INSR: variants seen among roughly 807,000 people sequenced by gnomAD.
The protein encoded by INSR is insulin receptor.
Under a neutral mutation model 142.6 loss-of-function variants are expected in INSR, and 67 were observed. That is an observed-to-expected ratio of 0.47 (90% confidence interval 0.39 to 0.58). INSR has a LOEUF of 0.58. INSR is among the 20% of genes least tolerant of loss of function. The pLI is 0.00. For missense variants in INSR, 1,248 were observed against 1,833.2 expected, an observed-to-expected ratio of 0.68 and a Z score of 5.83; for synonymous variants, 756 against 743.1, an observed-to-expected ratio of 1.02 and a Z score of -0.28.
At chr19:7,274,187 T>C (rs1016576372) in intron 1 of INSR, among the ~76,000 whole-genome samples, 1 of 151,926 alleles carries the variant, frequency 6.6e-6, no homozygotes, top group African/African-American at 2.4e-5. Context: ...TCCTCAGGCA[T>C]CAGTTAGATT....
chr19:7,263,171 C>T (rs186025882), intron 2 of INSR, among the ~76,000 whole-genome samples: 1 of 151,656 alleles, frequency 6.6e-6, no homozygotes, highest in Admixed American at 6.6e-5. Context: ...CCCAGTCACT[C>T]GGAAGGCTGA....
In INSR at chr19:7,267,321, T is replaced by G. The variant is rs771734184; in HGVS notation, c.652+24A>C. The G allele has an allele frequency of 1.4e-5, 22 of 1,612,524 alleles. No homozygotes were observed. Among genetic ancestry groups the G allele is most frequent in the Middle Eastern group, 3.4e-4 (2 of 5,862 alleles). On this transcript the variant is annotated intron_variant, in intron 2 of 21. Coordinates refer to ENST00000302850, the MANE Select transcript of INSR (RefSeq NM_000208.4). This position sits in a 1 kb window ranked among gnomAD's most constrained non-coding sequence, Gnocchi z 6.3. ...CTAGAACAAGGCACGAGACACTGCT[T>G]AGAACCCTGTATCCCCGGCGTACCT...
At chr19:7,250,576 AGGAGGGAGGGAAGGAAGGAAGGAGAGGAG>A (rs1185749190) in intron 2 of INSR, among the ~76,000 whole-genome samples, 1 of 109,552 alleles carries the variant, frequency 9.1e-6, no homozygotes, top group East Asian at 3.2e-4. Context: ...AAAGGAAGGA[AGGAGGGAGGGAAGGAAGGAAGGAGAGGAG>A]GGAGGGAGGG....
intron 2 of INSR, among the ~76,000 whole-genome samples, chr19:7,205,293 T>C (rs1221686687): frequency 6.6e-6 from 1 of 152,226 alleles, no homozygotes; most frequent in Non-Finnish European, 1.5e-5. Context: ...TCGTTACAAA[T>C]TGTGACCATG....
At chr19:7,153,236 A>C (rs1973466332) in intron 9 of INSR, among the ~76,000 whole-genome samples, 1 of 116,456 alleles carries the variant, frequency 8.6e-6, no homozygotes, top group African/African-American at 3.5e-5. Context: ...CCACACACAC[A>C]CCATACACGC....
In INSR at chr19:7,225,700, C is replaced by CT. The variant is rs1568201984; in HGVS notation, c.653-41064_653-41063insA. Among the ~76,000 whole-genome samples the CT allele has an allele frequency of 3.0e-5, 1 of 33,100 alleles. No individual in the cohort carries two copies. Among genetic ancestry groups the CT allele is most frequent in the Non-Finnish European group, 6.6e-5 (1 of 15,136 alleles). 21.7% of individuals were successfully genotyped at this position (33,100 alleles called of 152,430 possible). On this transcript the variant is annotated intron_variant, in intron 2 of 21. Transcript: ENST00000302850. This position sits in a 1 kb window ranked among gnomAD's most constrained non-coding sequence, Gnocchi z 4.7. ...GATGATGGGCTCTTGGTTTCCATTT[C>CT]CCCCCCCTCAAAAAAAGAGCAGAGA...
chr19:7,175,495 C>A (rs958507343), intron 3 of INSR, among the ~76,000 whole-genome samples: 3 of 152,156 alleles, frequency 2.0e-5, no homozygotes, highest in Non-Finnish European at 2.9e-5. Flanking sequence ...CTAGGCTCCA[C>A]TCACGAGCTG....
At chr19:7,141,965 C>T in intron 12 of INSR, 149 bp from the exon 13 acceptor site, 1 of 715,890 alleles carries the variant, frequency 1.4e-6, no homozygotes, top group Admixed American at 2.0e-5. Flanking sequence ...AAACTCATCC[C>T]ACAAGATTGT....
chr19:7,274,171 C>T (rs1344895416), intron 1 of INSR, among the ~76,000 whole-genome samples: 1 of 151,920 alleles, frequency 6.6e-6, no homozygotes, highest in African/African-American at 2.4e-5. Context: ...ACTGTTCCAC[C>T]TCAGATCCTC....
At chr19:7,161,951 G>A (rs376223834) in intron 9 of INSR, among the ~76,000 whole-genome samples, 27 of 152,192 alleles carry the variant, frequency 1.8e-4, no homozygotes, top group Non-Finnish European at 2.9e-4. Flanking sequence ...GGGAGGCTGA[G>A]GGGGGTGAAT....
Position 7,294,202 on chromosome 19 carries a change from T to C in INSR, c.-311A>G, listed in dbSNP as rs974969972. ...GAGCTCCGCGCTGCGCCCGGGACTG[T>C]CTCTCGGCTCTCGGCCCCGCGCGCT... On this transcript the variant is annotated 5_prime_UTR_variant, in exon 1 of 22. Transcript: ENST00000302850. 6.6e-6 allele frequency among the ~76,000 whole-genome samples: 1 copy of C among 150,506 alleles called. No homozygotes were observed. Among genetic ancestry groups the C allele is most frequent in the Non-Finnish European group, 1.5e-5 (1 of 67,482 alleles).
chr19:7,126,488 C>T, intron 16 of INSR, 96 bp downstream of exon 16: 6 of 1,154,634 alleles, frequency 5.2e-6, no homozygotes, highest in Non-Finnish European at 7.6e-6. Flanking sequence ...TCTTGGCCTC[C>T]CTGGGGAACC....
At chr19:7,158,356 C>T (rs1235335812) in intron 9 of INSR, among the ~76,000 whole-genome samples, 3 of 152,066 alleles carry the variant, frequency 2.0e-5, no homozygotes, top group African/African-American at 7.2e-5. Context: ...AAAAAATTAG[C>T]CGGGCGTGGT....
At chr19:7,244,178 T>A (rs567014240) in intron 2 of INSR, among the ~76,000 whole-genome samples, 41 of 152,100 alleles carry the variant, frequency 2.7e-4, no homozygotes, top group Non-Finnish European at 5.6e-4. Context: ...GATACAGAAA[T>A]CAGGAACCAT....
chr19:7,195,385 G>A (rs966733961), intron 2 of INSR, among the ~76,000 whole-genome samples: 49 of 152,284 alleles, frequency 3.2e-4, no homozygotes, highest in Admixed American at 1.5e-3. Flanking sequence ...GCTAACACGT[G>A]TAATCCCAGC....
intron 9 of INSR, among the ~76,000 whole-genome samples, chr19:7,153,394 CACA>C (rs1441553569): frequency 4.2e-3 from 18 of 4,266 alleles, no homozygotes; most frequent in South Asian, 9.4e-3. Flanking sequence ...GCACCACACA[CACA>C]CCACATACAC....
intron 2 of INSR, among the ~76,000 whole-genome samples, chr19:7,248,505 A>AAAAAAAG (rs1555686588): frequency 1.5e-5 from 2 of 130,386 alleles, no homozygotes; most frequent in Non-Finnish European, 1.6e-5. Context: ...AAAAAAAAAA[A>AAAAAAAG]AAAGCATGAC....
chr19:7,172,886 A>AAT (rs1974051856), intron 4 of INSR, among the ~76,000 whole-genome samples: 1 of 151,562 alleles, frequency 6.6e-6, no homozygotes, highest in South Asian at 2.1e-4. Flanking sequence ...TACAAAAAAA[A>AAT]AAAAAAATAG....
chr19:7,268,193 G>A (rs1967799689), intron 1 of INSR, among the ~76,000 whole-genome samples: 1 of 152,142 alleles, frequency 6.6e-6, no homozygotes, highest in South Asian at 2.1e-4. Context: ...ACAGGGGATT[G>A]AGTAACGCGG....
Sources: allele counts gnomAD v4.1 joint callset (sites outside exome capture counted in the v4.1 genomes callset), GRCh38; gene constraint gnomAD v4.1.1; non-coding constraint Gnocchi (gnomAD v3.1); transcripts MANE v1.5; gene names NCBI Gene and HGNC (gene_info 2026-07-23, HGNC 2026-07-21).